Variants in PFKP observed in about 807,000 individuals in gnomAD.
PFKP encodes phosphofructokinase, platelet.
In PFKP, 101 loss-of-function variants were observed where a neutral mutation model predicts 94.3. The observed-to-expected ratio is 1.07, with a 90% confidence interval of 0.91 to 1.26. The LOEUF (loss-of-function observed/expected upper bound fraction) is 1.26. Ranked by LOEUF, PFKP falls within the 50% of genes most tolerant of loss-of-function variation. PFKP has a pLI of 0.00. For synonymous variants in PFKP, 573 were observed against 432.6 expected, an observed-to-expected ratio of 1.32 and a Z score of -4.03; for missense variants, 1,145 against 1,103.3, an observed-to-expected ratio of 1.04 and a Z score of -0.53.
At chr10:3,109,653 C>T (rs115553316) in intron 10 of PFKP, among the ~76,000 whole-genome samples, 173 bp downstream of exon 10, 1 of 152,200 alleles carries the variant, frequency 6.6e-6, no homozygotes, top group Non-Finnish European at 1.5e-5. Context: ...TTCTCTCCCA[C>T]ACCTGCAGAG....
At chr10:3,093,925 G>C (rs539106043) in intron 2 of PFKP, among the ~76,000 whole-genome samples, 4 of 152,312 alleles carry the variant, frequency 2.6e-5, no homozygotes, top group Middle Eastern at 3.4e-3. Context: ...TTACAGGCGT[G>C]AGCCACCGCA....
intron 16 of PFKP, among the ~76,000 whole-genome samples, chr10:3,121,798 T>TC (rs1306661758): frequency 4.6e-5 from 1 of 21,702 alleles, no homozygotes; most frequent in Non-Finnish European, 1.0e-4. Flanking sequence ...AATTTCTTTT[T>TC]TTTTCTTTTT....
At chr10:3,114,691 G>C (rs1452725103) in intron 13 of PFKP, among the ~76,000 whole-genome samples, 2 of 152,202 alleles carry the variant, frequency 1.3e-5, no homozygotes, top group Non-Finnish European at 2.9e-5. Context: ...GGGCCCTCAG[G>C]GGACACTCAT....
chr10:3,088,923 G>T (rs1048239842), intron 2 of PFKP, among the ~76,000 whole-genome samples: 1 of 150,502 alleles, frequency 6.6e-6, no homozygotes, highest in African/African-American at 2.4e-5. Context: ...CTCTTTTTAT[G>T]CCTGGCTTAT....
chr10:3,069,373 G>C (rs1832009305), intron 1 of PFKP: 2 of 1,590,114 alleles, frequency 1.3e-6, no homozygotes, highest in Non-Finnish European at 1.7e-6. Flanking sequence ...GACTTAAACC[G>C]GCCCGGAGAT....
At chr10:3,087,617 A>T (rs1833703275) in intron 2 of PFKP, among the ~76,000 whole-genome samples, 1 of 152,220 alleles carries the variant, frequency 6.6e-6, no homozygotes, top group Non-Finnish European at 1.5e-5. Context: ...CTAGGAGCAG[A>T]GCTGAATGGA....
intron 1 of PFKP, among the ~76,000 whole-genome samples, chr10:3,079,284 G>C (rs936576762): frequency 4.6e-5 from 7 of 151,942 alleles, no homozygotes; most frequent in Non-Finnish European, 1.0e-4. Context: ...GCCCAGGCTG[G>C]AGTGCAGTGG....
chr10:3,134,477 C>T lies in PFKP; in HGVS notation c.2023-6C>T, dbSNP rs1254712955. The T allele has an allele frequency of 6.3e-7, 1 of 1,575,898 alleles. No homozygotes were observed. The highest frequency in any genetic ancestry group is 2.2e-5 in the East Asian group (1 of 44,700). ...TGGTATTTCATATAACTCTAACCAC[C>T]AACAGGGTGGGGCACCCTCTCCATT... On this transcript the variant is annotated splice_polypyrimidine_tract_variant and splice_region_variant and intron_variant, in intron 19 of 21. Transcript: ENST00000381125.
intron 13 of PFKP, among the ~76,000 whole-genome samples, chr10:3,116,254 C>T (rs970063980): frequency 2.6e-5 from 4 of 152,162 alleles, no homozygotes; most frequent in Admixed American, 1.3e-4. Flanking sequence ...CCACCACATC[C>T]GTGAACTTAC....
chr10:3,082,942 C>T (rs1380340393), intron 2 of PFKP, among the ~76,000 whole-genome samples: 1 of 152,108 alleles, frequency 6.6e-6, no homozygotes, highest in Non-Finnish European at 1.5e-5. Flanking sequence ...GAGTCCTGTC[C>T]TCAAGCTATC....
At chr10:3,133,848 C>T (rs374534371) in intron 19 of PFKP, among the ~76,000 whole-genome samples, 2 of 152,132 alleles carry the variant, frequency 1.3e-5, no homozygotes, top group South Asian at 4.1e-4. Flanking sequence ...AACAGTGATA[C>T]CCCCATTACT....
rs1394481208 is a variant in PFKP at position 3,114,746 on chromosome 10, GC to G, written c.1371+1229del. ...TGCTCTGGAGCTGATGCTCACAGGGGCGGGGGCTCCAAGCCCGCACAGGGCA... is the reference window on the plus strand; with the variant it reads ...TGCTCTGGAGCTGATGCTCACAGGGGGGGGGCTCCAAGCCCGCACAGGGCA... On this transcript the variant is annotated intron_variant, in intron 13 of 21. Coordinates refer to ENST00000381125, the MANE Select transcript of PFKP (RefSeq NM_002627.5). Among the ~76,000 whole-genome samples the G allele has an allele frequency of 7.2e-5, 11 of 152,370 alleles. No homozygotes were observed. In the East Asian group the frequency reaches 1.9e-3, roughly 27 times the overall value.
chr10:3,092,105 C>G (rs1834088396), intron 2 of PFKP, among the ~76,000 whole-genome samples: 1 of 152,190 alleles, frequency 6.6e-6, no homozygotes, highest in Non-Finnish European at 1.5e-5. Flanking sequence ...GCCACCGGCC[C>G]CCAAGCTTAG....
chr10:3,068,725 C>T, intron 1 of PFKP: 1 of 983,448 alleles, frequency 1.0e-6, no homozygotes, highest in Non-Finnish European at 1.2e-6. Context: ...GTGTCCCGAT[C>T]CGTGCAATCC....
chr10:3,076,017 C>CAAAAAAAAAAAAAAA (rs59102828), intron 1 of PFKP, among the ~76,000 whole-genome samples: 9 of 61,834 alleles, frequency 1.5e-4, no homozygotes, highest in East Asian at 3.6e-4. Context: ...GACTCCGTCT[C>CAAAAAAAAAAAAAAA]AAAAAAAAAA....
chr10:3,083,884 C>T (rs1833279240), intron 2 of PFKP, among the ~76,000 whole-genome samples: 1 of 152,192 alleles, frequency 6.6e-6, no homozygotes, highest in South Asian at 2.1e-4. Context: ...CTCAGGTGAT[C>T]TGCCTGCCTT....
At chr10:3,099,796 A>T (rs1332061792) in intron 3 of PFKP, among the ~76,000 whole-genome samples, 1 of 151,990 alleles carries the variant, frequency 6.6e-6, no homozygotes, top group Admixed American at 6.6e-5. Context: ...ACGGAGGAAG[A>T]TAAGATGTGA....
intron 20 of PFKP, among the ~76,000 whole-genome samples, chr10:3,134,988 T>C (rs1040458528): frequency 6.6e-6 from 1 of 152,084 alleles, no homozygotes; most frequent in Admixed American, 6.6e-5. Flanking sequence ...GCTGAATGAA[T>C]TGTTCATGTT....
At chr10:3,104,850 C>T (rs1835380859) in intron 5 of PFKP, 1 of 548,050 alleles carries the variant, frequency 1.8e-6, no homozygotes, top group Admixed American at 3.3e-5. Context: ...CACAGGCAGG[C>T]AGAAGGTGTC....
Sources: gnomAD v4.1 joint callset for allele counts (sites outside exome capture counted in the v4.1 genomes callset) on GRCh38, gnomAD v4.1.1 for gene constraint, MANE v1.5 for transcripts, NCBI Gene and HGNC (gene_info 2026-07-23, HGNC 2026-07-21) for gene names.